Variants in NUP98 observed in about 807,000 individuals in gnomAD.
NUP98 encodes the protein nucleoporin 98 and 96 precursor, also known as nuclear pore complex protein Nup98-Nup96.
A neutral mutation model predicts 191.9 loss-of-function variants in NUP98; 26 were observed. That is an observed-to-expected ratio of 0.14 (90% CI 0.10 to 0.19). The LOEUF (loss-of-function observed/expected upper bound fraction) is 0.19, where lower values mean the gene tolerates loss of function less well. Ranked by LOEUF, NUP98 falls within the 10% of genes least tolerant of loss-of-function variation. The probability of loss-of-function intolerance (pLI) is 1.00; values close to 1 mark genes in which losing one functional copy is unlikely to be tolerated. For missense variants in NUP98, 1,941 were observed against 2,178.8 expected (o/e 0.89, Z 2.17); for synonymous variants, 808 against 778.4 (o/e 1.04, Z -0.63).
intron 13 of NUP98, among the ~76,000 whole-genome samples, chr11:3,734,978 T>C (rs565273044): frequency 2.0e-5 from 3 of 152,338 alleles, no homozygotes; most frequent in East Asian, 3.9e-4. Flanking sequence ...ACCCTCAGCA[T>C]TGATCTTCAG....
At position 3,691,432 on chromosome 11, in the gene NUP98, A is replaced by C. The variant is rs1369667832; in HGVS notation, c.4369T>G (p.Ser1457Ala). 1 of 1,614,190 alleles carries C rather than the reference A, an allele frequency of 6.2e-7. No homozygotes were observed. Among genetic ancestry groups the C allele is most frequent in the Non-Finnish European group, 8.5e-7 (1 of 1,180,024 alleles). Residue 1457 changes from serine to alanine, a missense_variant, in exon 28 of 33, where the codon TCT becomes GCT. Ser to Ala is a moderately conservative substitution (Grantham distance 99). Coordinates refer to ENST00000324932, the MANE Select transcript of NUP98 (RefSeq NM_016320.5). ...TGCTCCTCCGCTATCACACAGCCAG[A>C]ACCCTCCAGATACGAAGGAAGTGGG... ...CSPLPSYLEG[S>A]GCVIAEEQNS...
At chr11:3,791,555 A>AG (rs1447320879) in intron 1 of NUP98, among the ~76,000 whole-genome samples, 14 of 131,848 alleles carry the variant, frequency 1.1e-4, no homozygotes, top group Admixed American at 4.3e-4. Context: ...AAAAAAAAAA[A>AG]AAAGAAAGGC....
At chr11:3,795,791 C>T (rs1269557805) in intron 1 of NUP98, among the ~76,000 whole-genome samples, 1 of 152,158 alleles carries the variant, frequency 6.6e-6, no homozygotes, top group Non-Finnish European at 1.5e-5. Flanking sequence ...AGGGTGATGC[C>T]TGAACTGAGA....
intron 20 of NUP98, among the ~76,000 whole-genome samples, chr11:3,709,892 G>A (rs1476697459): frequency 6.8e-6 from 1 of 146,360 alleles, no homozygotes; most frequent in Non-Finnish European, 1.5e-5. Context: ...GTTAATGGGT[G>A]CAGCACAGCA....
intron 10 of NUP98, among the ~76,000 whole-genome samples, chr11:3,758,794 A>T: frequency 6.7e-6 from 1 of 149,488 alleles, no homozygotes; most frequent in East Asian, 1.9e-4. Context: ...AGAGACAGAG[A>T]GACAGAGACA....
chr11:3,705,885 C>T (rs2078843738), intron 21 of NUP98, among the ~76,000 whole-genome samples: 1 of 151,476 alleles, frequency 6.6e-6, no homozygotes. Flanking sequence ...CTCAGTGGCT[C>T]ATGCCTATAA....
At chr11:3,744,197 C>CA (rs2080401968) in intron 12 of NUP98, among the ~76,000 whole-genome samples, 1 of 152,150 alleles carries the variant, frequency 6.6e-6, no homozygotes, top group Admixed American at 6.6e-5. Flanking sequence ...TCTACCATAA[C>CA]AGGTTACATT....
At chr11:3,789,500 T>C (rs991865929) in intron 1 of NUP98, among the ~76,000 whole-genome samples, 1 of 150,194 alleles carries the variant, frequency 6.7e-6, no homozygotes, top group African/African-American at 2.4e-5. Context: ...TTTACCTATT[T>C]CTTTTTTTTT....
chr11:3,759,111 C>T (rs1353514228), intron 10 of NUP98, among the ~76,000 whole-genome samples: 1 of 151,832 alleles, frequency 6.6e-6, no homozygotes, highest in Non-Finnish European at 1.5e-5. Flanking sequence ...TAACTGCTGA[C>T]CTACACCAAA....
At chr11:3,739,244 T>A (rs1264069835) in intron 12 of NUP98, among the ~76,000 whole-genome samples, 5 of 151,994 alleles carry the variant, frequency 3.3e-5, no homozygotes, top group African/African-American at 7.3e-5. Context: ...GAGAAAAAAA[T>A]AAAATTAAAA....
At chr11:3,766,576 C>T (rs2081346310) in intron 8 of NUP98, among the ~76,000 whole-genome samples, 1 of 149,912 alleles carries the variant, frequency 6.7e-6, no homozygotes, top group Non-Finnish European at 1.5e-5. Flanking sequence ...GCAATCCCAG[C>T]TATGTGGGAG....
intron 20 of NUP98, among the ~76,000 whole-genome samples, chr11:3,708,491 T>G (rs1037991646): frequency 3.9e-5 from 6 of 152,132 alleles, no homozygotes; most frequent in African/African-American, 1.4e-4. Context: ...ATTTATTCTA[T>G]TCACACAAAC....
intron 16 of NUP98, 65 bp from the exon 17 acceptor site, chr11:3,720,890 T>C: frequency 1.5e-6 from 1 of 675,314 alleles, no homozygotes; most frequent in South Asian, 1.8e-5. Context: ...AACTAAATCA[T>C]CATATAAAGA....
At chr11:3,727,457 T>C (rs897949483) in intron 14 of NUP98, among the ~76,000 whole-genome samples, 2 of 152,208 alleles carry the variant, frequency 1.3e-5, no homozygotes, top group East Asian at 1.9e-4. Context: ...AAAGGACTTA[T>C]GAGCCAATCT....
At chr11:3,757,213 G>A (rs1442045464) in intron 10 of NUP98, among the ~76,000 whole-genome samples, 1 of 151,980 alleles carries the variant, frequency 6.6e-6, no homozygotes, top group African/African-American at 2.4e-5. Flanking sequence ...AACGGGCTGG[G>A]CGCAGTGGCT....
intron 10 of NUP98, among the ~76,000 whole-genome samples, chr11:3,756,445 T>C (rs537911437): frequency 2.0e-5 from 3 of 152,152 alleles, no homozygotes; most frequent in East Asian, 3.9e-4. Context: ...ACTGTAAATA[T>C]ATTCGCACAC....
intron 28 of NUP98, among the ~76,000 whole-genome samples, chr11:3,690,744 G>A (rs1200874555): frequency 3.3e-5 from 5 of 152,004 alleles, no homozygotes; most frequent in Non-Finnish European, 7.4e-5. Flanking sequence ...AATCACTTCT[G>A]GATATGTTCA....
intron 12 of NUP98, among the ~76,000 whole-genome samples, chr11:3,738,638 G>A (rs2080162890): frequency 6.6e-6 from 1 of 151,958 alleles, no homozygotes; most frequent in African/African-American, 2.4e-5. Context: ...AATTAGCCGG[G>A]CATGGTGACA....
chr11:3,762,170 C>T (rs563201802), intron 9 of NUP98, among the ~76,000 whole-genome samples: 40 of 152,096 alleles, frequency 2.6e-4, no homozygotes, highest in South Asian at 1.9e-3. Context: ...AGTGCAATAG[C>T]GCGATCTCGG....
Sources: allele counts gnomAD v4.1 joint callset (sites outside exome capture counted in the v4.1 genomes callset), GRCh38; gene constraint gnomAD v4.1.1; transcripts MANE v1.5; gene names NCBI Gene and HGNC (gene_info 2026-07-23, HGNC 2026-07-21).